RASD2: variants seen among roughly 807,000 people sequenced by gnomAD.
RASD2 encodes the protein GTP-binding protein Rhes.
In RASD2, 7 loss-of-function variants were observed where a neutral mutation model predicts 15.8. That is an observed-to-expected ratio of 0.44 (90% CI 0.25 to 0.83). The LOEUF is 0.83. RASD2 is among the 40% of genes least tolerant of loss of function. RASD2 has a pLI of 0.20. For missense variants in RASD2, 274 were observed against 382.8 expected, an observed-to-expected ratio of 0.72 and a Z score of 2.37; for synonymous variants, 155 against 153.6, an observed-to-expected ratio of 1.01 and a Z score of -0.07.
At position 35,551,677 on chromosome 22, in the gene RASD2, G is replaced by C. The variant is rs764653107; in HGVS notation, c.446G>C (p.Arg149Pro). ...GNKNDHGELC[R>P]QVPTTEAELL... ...AAGAACGACCACGGCGAGCTGTGCCGCCAGGTGCCCACCACCGAGGCCGAG... is the reference window on the plus strand; with the variant it reads ...AAGAACGACCACGGCGAGCTGTGCCCCCAGGTGCCCACCACCGAGGCCGAG... The change falls in exon 3 of 3, where the codon CGC becomes CCC. Residue 149 changes from arginine (R) to proline (P), a missense_variant. Arg to Pro is a moderately radical substitution (Grantham distance 103). Transcript: ENST00000216127. This position sits in a 1 kb window ranked among gnomAD's most constrained non-coding sequence, Gnocchi z 4.9. 1 of 1,613,870 alleles carries C rather than the reference G, an allele frequency of 6.2e-7. No homozygotes were observed. Among genetic ancestry groups the C allele is most frequent in the Admixed American group, 1.7e-5 (1 of 60,028 alleles).
the RASD2 span, among the ~76,000 whole-genome samples, chr22:35,532,849 G>A: frequency 3.9e-5 from 6 of 152,154 alleles, no homozygotes; most frequent in Non-Finnish European, 7.3e-5. Flanking sequence ...CCAGTTAAAG[G>A]GACCCACAGA....
chr22:35,535,485 C>T, the RASD2 span, among the ~76,000 whole-genome samples: 1 of 152,076 alleles, frequency 6.6e-6, no homozygotes, highest in Non-Finnish European at 1.5e-5. Flanking sequence ...CTATTGGAAC[C>T]CCAAGTTTCA....
At chr22:35,534,078 T>A in the RASD2 span, among the ~76,000 whole-genome samples, 1 of 152,152 alleles carries the variant, frequency 6.6e-6, no homozygotes, top group Admixed American at 6.6e-5. Context: ...CAACAGGGCA[T>A]CATAAAAAAA....
intron 1 of RASD2, among the ~76,000 whole-genome samples, chr22:35,544,631 G>A (rs1390541442): frequency 1.3e-5 from 2 of 152,212 alleles, no homozygotes; most frequent in African/African-American, 4.8e-5. Flanking sequence ...GTGGGAGCTG[G>A]GTGGGGGATG....
chr22:35,538,140 A>ATATT (rs1934270899), upstream of RASD2, among the ~76,000 whole-genome samples: 1 of 151,800 alleles, frequency 6.6e-6, no homozygotes, highest in Admixed American at 6.6e-5. Flanking sequence ...TAAAATTATT[A>ATATT]TATTTTATAT....
upstream of RASD2, among the ~76,000 whole-genome samples, chr22:35,538,926 A>T (rs1359254638): frequency 2.0e-5 from 3 of 152,188 alleles, no homozygotes; most frequent in Non-Finnish European, 4.4e-5. Context: ...CAGTTCCCAG[A>T]GGCAAAGTCT....
rs1934343201 is a variant in RASD2 at position 35,541,346 on chromosome 22, C to G, written c.-164C>G. On this transcript the variant is annotated 5_prime_UTR_variant, in exon 1 of 3. Coordinates refer to ENST00000216127, the MANE Select transcript of RASD2 (RefSeq NM_014310.4). ...CCCGGCCGCGCCCAGCCCGGCGTCCCGAGCAGCGCAGGGGAGGATCCCCGC... is the reference window on the plus strand; with the variant it reads ...CCCGGCCGCGCCCAGCCCGGCGTCCGGAGCAGCGCAGGGGAGGATCCCCGC... 1 of 152,258 alleles carries G rather than the reference C, an allele frequency of 6.6e-6. No individual in the cohort carries two copies. The allele number at this position is 152,258 out of a possible 1,614,324, so 9.4% of individuals were successfully genotyped here.
chr22:35,539,443 G>A (rs1318503787), upstream of RASD2, among the ~76,000 whole-genome samples: 2 of 152,208 alleles, frequency 1.3e-5, no homozygotes, highest in Non-Finnish European at 2.9e-5. Flanking sequence ...CTGGAACTGA[G>A]GGACACAGAC....
upstream of RASD2, among the ~76,000 whole-genome samples, chr22:35,537,834 G>A (rs1026216388): frequency 6.6e-6 from 1 of 152,186 alleles, no homozygotes; most frequent in South Asian, 2.1e-4. Context: ...TTAGAGACCC[G>A]GAAGTGATTT....
intron 1 of RASD2, among the ~76,000 whole-genome samples, chr22:35,544,020 G>A (rs556789166): frequency 9.4e-5 from 14 of 148,502 alleles, no homozygotes; most frequent in Non-Finnish European, 1.9e-4. Flanking sequence ...TCCTCTCTCC[G>A]ATTCTCTGCG....
chr22:35,540,297 G>T (rs1015506229), upstream of RASD2, among the ~76,000 whole-genome samples: 1 of 151,570 alleles, frequency 6.6e-6, no homozygotes, highest in African/African-American at 2.4e-5. Context: ...CGAGGCCCGG[G>T]CCGCCTTCTG....
Position 35,552,125 on chromosome 22 carries a change from C to T in RASD2, c.*93C>T. The T allele has an allele frequency of 6.9e-7, 1 of 1,450,924 alleles. No homozygotes were observed. The highest frequency in any genetic ancestry group is 9.2e-7 in the Non-Finnish European group (1 of 1,086,156). The allele number at this position is 1,450,924 out of a possible 1,614,324, so 89.9% of individuals were successfully genotyped here. A position where few individuals can be genotyped will look rare whatever the true frequency, so the allele number is the denominator to read the frequency against. ...CATCTCCCCACCGAGGCCCCGGCAG[C>T]AGTCTTGTTCACAGACCTTAGGCAC... On this transcript the variant is annotated 3_prime_UTR_variant, in exon 3 of 3. Transcript: ENST00000216127.
intron 2 of RASD2, among the ~76,000 whole-genome samples, chr22:35,548,687 A>G (rs1934577912): frequency 6.6e-6 from 1 of 152,220 alleles, no homozygotes; most frequent in Non-Finnish European, 1.5e-5. Flanking sequence ...TGACCCAGAC[A>G]GCAGTCAAGT....
chr22:35,543,647 T>TGTCCA (rs1388729198), intron 1 of RASD2, among the ~76,000 whole-genome samples: 14 of 152,220 alleles, frequency 9.2e-5, no homozygotes, highest in African/African-American at 3.4e-4. Flanking sequence ...GGCGTCCAGG[T>TGTCCA]GTCCAGATGT....
At chr22:35,537,982 G>A (rs550840760), upstream of RASD2, among the ~76,000 whole-genome samples, 8 of 149,616 alleles carry the variant, frequency 5.3e-5, no homozygotes, top group East Asian at 2.0e-4. Context: ...GTCTTGCTCC[G>A]TCGCCCAGGC....
chr22:35,551,570 G>A lies in RASD2; in HGVS notation c.339G>A (p.Gln113=), dbSNP rs933039126. The part of the protein sequence containing the change: ...RESFDEVKRL[Q]KQILEVKSCL... ...CCTTCGATGAGGTCAAGCGCCTTCA[G>A]AAGCAGATCCTGGAGGTCAAGTCCT... Residue 113 remains glutamine (Q), a synonymous_variant, in exon 3 of 3, where the codon CAG becomes CAA. Coordinates refer to ENST00000216127, the MANE Select transcript of RASD2 (RefSeq NM_014310.4). The surrounding 1 kb of genome is among the most constrained non-coding windows in gnomAD (Gnocchi z 4.9). The A allele has an allele frequency of 3.1e-6, 5 of 1,614,046 alleles. No homozygotes were observed. The highest frequency in any genetic ancestry group is 4.2e-6 in the Non-Finnish European group (5 of 1,180,034).
At position 35,551,420 on chromosome 22, in the gene RASD2, C is replaced by G; in HGVS notation, c.272-83C>G. 6.9e-7 allele frequency: 1 copy of G among 1,450,824 alleles called. No homozygotes were observed. The highest frequency in any genetic ancestry group is 2.0e-5 in the Admixed American group (1 of 51,032). 89.9% of individuals were successfully genotyped at this position (1,450,824 alleles called of 1,614,324 possible). ...TTCAGGGCACCTGTGACTCCCAGCT[C>G]TTAGGGCTGATGTTCTGTGGCCAGA... On this transcript the variant is annotated intron_variant, in intron 2 of 2. Coordinates refer to ENST00000216127, the MANE Select transcript of RASD2 (RefSeq NM_014310.4). This position sits in a 1 kb window ranked among gnomAD's most constrained non-coding sequence, Gnocchi z 4.9.
At chr22:35,549,688 T>C (rs1469213207) in intron 2 of RASD2, among the ~76,000 whole-genome samples, 1 of 152,204 alleles carries the variant, frequency 6.6e-6, no homozygotes, top group East Asian at 1.9e-4. Context: ...TGCCAGGCCC[T>C]GGGGAGACCA....
chr22:35,552,086 A>C lies in RASD2; in HGVS notation c.*54A>C. 1 of 1,547,766 alleles carries C rather than the reference A, an allele frequency of 6.5e-7. No homozygotes were observed. The highest frequency in any genetic ancestry group is 1.2e-5 in the South Asian group (1 of 84,164). ...AGTGCCTTCAGGGAGGTGGCCCCAG[A>C]TGCCCACTGTGCGCATCTCCCCACC... On this transcript the variant is annotated 3_prime_UTR_variant, in exon 3 of 3. Transcript: ENST00000216127.
Sources: gnomAD v4.1 joint callset for allele counts (sites outside exome capture counted in the v4.1 genomes callset) on GRCh38, gnomAD v4.1.1 for gene constraint, Gnocchi (gnomAD v3.1) non-coding constraint, MANE v1.5 for transcripts, NCBI Gene and HGNC (gene_info 2026-07-23, HGNC 2026-07-21) for gene names.